TNS4: variants seen among roughly 807,000 people sequenced by gnomAD.
TNS4 encodes tensin 4.
In TNS4, 46 loss-of-function variants were observed where a neutral mutation model predicts 70.4. The observed-to-expected ratio is 0.65, with a 90% CI of 0.52 to 0.84. The LOEUF is 0.84. TNS4 is among the 40% of genes least tolerant of loss of function. The pLI is 0.00. For missense variants in TNS4, 863 were observed against 907.0 expected (o/e 0.95, Z 0.62); for synonymous variants, 390 against 366.6 (o/e 1.06, Z -0.73).
intron 2 of TNS4, among the ~76,000 whole-genome samples, chr17:40,493,759 C>A (rs2036105362): frequency 6.6e-6 from 1 of 152,206 alleles, no homozygotes; most frequent in Admixed American, 6.5e-5. Flanking sequence ...CCCATGCCAT[C>A]AGCCCTAAGC....
rs2035841606 is a variant in TNS4, at chr17:40,475,963, T to C, written c.*1625A>G. 6.6e-6 allele frequency: 1 copy of C among 152,234 alleles called. No homozygotes were observed. The highest frequency in any genetic ancestry group is 6.5e-5 in the Admixed American group (1 of 15,288). The allele number at this position is 152,234 out of a possible 1,614,324, so 9.4% of individuals were successfully genotyped here. On this transcript the variant is annotated 3_prime_UTR_variant, in exon 13 of 13. Coordinates refer to ENST00000254051, the MANE Select transcript of TNS4 (RefSeq NM_032865.6). ...ACCTCATCTCACATTCTGCAGACTTTGGCGGCGGGGCAGTGCTCGACCACT... is the reference window on the plus strand; with the variant it reads ...ACCTCATCTCACATTCTGCAGACTTCGGCGGCGGGGCAGTGCTCGACCACT...
chr17:40,501,464 A>AAAAAAG (rs2036215554), intron 1 of TNS4, 70 bp downstream of exon 1: 1 of 150,932 alleles, frequency 6.6e-6, no homozygotes. Flanking sequence ...AAAAAAAAAA[A>AAAAAAG]TGTTTAAATG....
intron 2 of TNS4, among the ~76,000 whole-genome samples, chr17:40,495,712 C>T (rs1477452176): frequency 6.6e-6 from 1 of 152,132 alleles, no homozygotes; most frequent in Admixed American, 6.6e-5. Context: ...GCACAAAACA[C>T]TTTCCATAGG....
intron 3 of TNS4, 80 bp from the exon 4 acceptor site, chr17:40,487,540 C>T: frequency 6.7e-7 from 1 of 1,486,238 alleles, no homozygotes; most frequent in Non-Finnish European, 9.1e-7. Context: ...ATCTGGTGAT[C>T]TGGGTTCCCA....
intron 9 of TNS4, chr17:40,480,133 C>T (rs989342598): frequency 2.5e-6 from 1 of 395,648 alleles, no homozygotes; most frequent in Admixed American, 4.1e-5. Context: ...ATCCTTCTGT[C>T]CACACTTAAC....
chr17:40,486,608 C>G (rs2035992116), intron 4 of TNS4, among the ~76,000 whole-genome samples: 1 of 151,660 alleles, frequency 6.6e-6, no homozygotes, highest in Non-Finnish European at 1.5e-5. Flanking sequence ...TGACTTGAAC[C>G]TGCACCCAAC....
chr17:40,488,859 G>A lies in TNS4; in HGVS notation c.550C>T (p.Leu184Phe). Residue 184 changes from leucine to phenylalanine, a missense_variant, in exon 3 of 13, where the codon CTC becomes TTC. Transcript: ENST00000254051. ...CGGGGGACGTCTCTGGAAAGGAGGA[G>A]GCCACCACTGCGAAGGGAGCCGAAG... ...PPFGSLRSGG[L>F]LLSRDVPRET... 1 of 1,613,624 alleles carries A rather than the reference G, an allele frequency of 6.2e-7. No homozygotes were observed. The highest frequency in any genetic ancestry group is 8.5e-7 in the Non-Finnish European group (1 of 1,179,928).
At chr17:40,500,932 C>T (rs934655307) in intron 1 of TNS4, among the ~76,000 whole-genome samples, 21 of 152,204 alleles carry the variant, frequency 1.4e-4, no homozygotes, top group Admixed American at 7.2e-4. Flanking sequence ...CGCTGGGAGG[C>T]GAGAGGCCTG....
intron 1 of TNS4, among the ~76,000 whole-genome samples, chr17:40,497,545 G>A (rs1167003107): frequency 1.3e-5 from 2 of 152,244 alleles, no homozygotes; most frequent in African/African-American, 4.8e-5. Flanking sequence ...AGAGGTTGCA[G>A]TGAGCCGAGA....
intron 9 of TNS4, 35 bp from the exon 10 acceptor site, chr17:40,479,877 C>G (rs1264997928): frequency 2.5e-6 from 4 of 1,570,238 alleles, no homozygotes; most frequent in Non-Finnish European, 3.5e-6. Context: ...GGGCCACTGA[C>G]CCAGGGCCCA....
intron 4 of TNS4, 24 bp from the exon 5 acceptor site, chr17:40,485,031 A>G (rs559188627): frequency 1.2e-6 from 2 of 1,608,416 alleles, no homozygotes; most frequent in African/African-American, 1.3e-5. Context: ...GAGAAGGGGG[A>G]CCCTGTAGGC....
rs774885549 is a variant in TNS4, at chr17:40,496,250, C to T, written c.176G>A (p.Cys59Tyr). ...CTGGAGTCGGCCAGGGGGCCCCATG[C>T]AGGGCACGGGGGCCATCAGGGCCTG... ...GAQALMAPVP[C>Y]MGPPGRLQQA... Residue 59 changes from cysteine (C) to tyrosine (Y), a missense_variant, in exon 2 of 13, where the codon TGC (cysteine) becomes TAC (tyrosine). By Grantham distance (194) the Cys-to-Tyr change is radical. Coordinates refer to ENST00000254051, the MANE Select transcript of TNS4 (RefSeq NM_032865.6). The T allele has an allele frequency of 6.3e-7, 1 of 1,596,234 alleles. No individual in the cohort carries two copies.
In TNS4 at chr17:40,488,607, C is replaced by T. The variant is rs772973348; in HGVS notation, c.802G>A (p.Gly268Ser). 4.0e-6 allele frequency: 6 copies of T among 1,516,482 alleles called. No individual in the cohort carries two copies. In the South Asian group the frequency reaches 7.9e-5, roughly 20 times the overall value. 93.9% of individuals were successfully genotyped at this position (1,516,482 alleles called of 1,614,324 possible). A position where few individuals can be genotyped will look rare whatever the true frequency, so the allele number is the denominator to read the frequency against. The part of the protein sequence containing the change: ...KRLGGLAPQR[G>S]SRISVLSASP... Reference sequence around the variant, plus strand: ...GCTGACAGCACAGAGATCCTGCTGCCCCGCTGTGGGGCCAGGCCTCCCAGC... The same window carrying T: ...GCTGACAGCACAGAGATCCTGCTGCTCCGCTGTGGGGCCAGGCCTCCCAGC... The change falls in exon 3 of 13, where the codon GGC (glycine) becomes AGC (serine). Residue 268 changes from glycine to serine, a missense_variant. Gly to Ser is a moderately conservative substitution (Grantham distance 56, BLOSUM62 0). Transcript: ENST00000254051.
Position 40,476,428 on chromosome 17 carries a change from G to T in TNS4, c.*1160C>A, listed in dbSNP as rs931360706. The T allele has an allele frequency of 1.7e-5, 2 of 118,146 alleles. No homozygotes were observed. Among genetic ancestry groups the T allele is most frequent in the African/African-American group, 6.6e-5 (2 of 30,098 alleles). 7.3% of individuals were successfully genotyped at this position (118,146 alleles called of 1,614,324 possible). On this transcript the variant is annotated 3_prime_UTR_variant, in exon 13 of 13. Transcript: ENST00000254051. ...TGTGTGTGTGTGTGTGTGTGTGTGTGTTGGAGCGTGGGTTGGGGGAGGGCT... is the reference window on the plus strand; with the variant it reads ...TGTGTGTGTGTGTGTGTGTGTGTGTTTTGGAGCGTGGGTTGGGGGAGGGCT...
At chr17:40,484,373 A>T in intron 6 of TNS4, 111 bp downstream of exon 6, 1 of 1,499,228 alleles carries the variant, frequency 6.7e-7, no homozygotes, top group Admixed American at 1.9e-5. Flanking sequence ...AGGAGCTGTT[A>T]TAAGACTGGC....
chr17:40,480,917 C>T (rs753232207), intron 8 of TNS4, 149 bp from the exon 9 acceptor site: 25 of 886,776 alleles, frequency 2.8e-5, no homozygotes, highest in Admixed American at 1.4e-4. Flanking sequence ...GTGTGATTAC[C>T]GTAATTAGGC....
At chr17:40,477,933 G>A (rs1029095380) in intron 12 of TNS4, 16 of 612,380 alleles carry the variant, frequency 2.6e-5, no homozygotes, top group Middle Eastern at 4.3e-4. Flanking sequence ...CTGAGTTCAA[G>A]CTCTGGGTTT....
chr17:40,477,624 C>A lies in TNS4; in HGVS notation c.2112G>T (p.Leu704=). The A allele has an allele frequency of 1.2e-6, 2 of 1,614,144 alleles. No individual in the cohort carries two copies. Among genetic ancestry groups the A allele is most frequent in the Non-Finnish European group, 8.5e-7 (1 of 1,180,022 alleles). ...MVQPASQVIG[L]VTALLQDAER... is the part of the protein sequence containing the mutation. ...CTGCGTCCTGCAGCAGAGCAGTCAC[C>A]AGGCCGATGACCTGCGAGGCTGGCT... The change falls in exon 13 of 13, where the codon CTG becomes CTT. Residue 704 remains leucine (L), a synonymous_variant. Transcript: ENST00000254051.
intron 6 of TNS4, 109 bp downstream of exon 6, chr17:40,484,375 A>T: frequency 6.7e-7 from 1 of 1,503,300 alleles, no homozygotes; most frequent in Non-Finnish European, 8.9e-7. Flanking sequence ...GAGCTGTTAT[A>T]AGACTGGCGC....
Sources: gnomAD v4.1 joint callset for allele counts (sites outside exome capture counted in the v4.1 genomes callset) on GRCh38, gnomAD v4.1.1 for gene constraint, MANE v1.5 for transcripts, NCBI Gene and HGNC (gene_info 2026-07-23, HGNC 2026-07-21) for gene names.